GLI2: variants seen among roughly 807,000 people sequenced by gnomAD.
GLI2 encodes the protein transcription activator GLI2.
GLI2 carries 22 observed loss-of-function variants against 78.9 expected under a neutral mutation model. The observed-to-expected ratio is 0.28, with a 90% CI of 0.20 to 0.40. The LOEUF is 0.40. GLI2 is among the 10% of genes least tolerant of loss of function. GLI2 has a pLI of 1.00. For missense variants in GLI2, 2,097 were observed against 2,213.2 expected (o/e 0.95, Z 1.05); for synonymous variants, 974 against 963.7 (o/e 1.01, Z -0.20).
At chr2:120,830,916 C>T (rs1686327339) in intron 2 of GLI2, among the ~76,000 whole-genome samples, 1 of 151,804 alleles carries the variant, frequency 6.6e-6, no homozygotes, top group Non-Finnish European at 1.5e-5. Flanking sequence ...TCCTGGATCA[C>T]TCTGTGTCTC....
At chr2:120,754,996 C>T (rs999533837) in intron 1 of GLI2, among the ~76,000 whole-genome samples, 3 of 151,998 alleles carry the variant, frequency 2.0e-5, no homozygotes, top group African/African-American at 4.8e-5. Flanking sequence ...GGATTATAGA[C>T]GCCCACCACC....
chr2:120,750,528 A>C (rs1486557671), intron 1 of GLI2, among the ~76,000 whole-genome samples: 1 of 152,246 alleles, frequency 6.6e-6, no homozygotes. Context: ...TTAGAGGTAA[A>C]AGAGTTAGTA....
intron 2 of GLI2, among the ~76,000 whole-genome samples, chr2:120,863,492 G>A (rs550505757): frequency 2.6e-5 from 4 of 152,360 alleles, no homozygotes; most frequent in African/African-American, 9.6e-5. Context: ...AGAACACACA[G>A]TTCTTTATTC....
chr2:120,747,227 A>G (rs915244045), intron 1 of GLI2, among the ~76,000 whole-genome samples: 3 of 152,230 alleles, frequency 2.0e-5, no homozygotes, highest in African/African-American at 7.2e-5. Flanking sequence ...GGGAGGTGCT[A>G]GCTAGAGGTT....
Position 120,826,081 on chromosome 2 carries a change from G to GCCAGGCTCTGT in GLI2, c.148+28618_148+28628dup, listed in dbSNP as rs201439851. Among the ~76,000 whole-genome samples the GCCAGGCTCTGT allele has an allele frequency of 1.8e-3, 275 of 152,344 alleles. 1 individual carries two copies. The highest frequency in any genetic ancestry group is 6.0e-3 in the African/African-American group (250 of 41,580). On this transcript the variant is annotated intron_variant, in intron 2 of 13. Transcript: ENST00000361492. ...TGACAGAGCAGAGCGTTGGGCCGTG[G>GCCAGGCTCTGT]CCAGGCTCTGTCCAGAGACAGCTGC...
intron 2 of GLI2, among the ~76,000 whole-genome samples, chr2:120,835,159 G>C (rs895044708): frequency 2.0e-5 from 3 of 152,166 alleles, no homozygotes; most frequent in Non-Finnish European, 4.4e-5. Context: ...TATGGGTGGA[G>C]CCAATGGTCT....
At chr2:120,791,071 G>A (rs914153723) in intron 1 of GLI2, among the ~76,000 whole-genome samples, 5 of 152,162 alleles carry the variant, frequency 3.3e-5, no homozygotes, top group African/African-American at 9.7e-5. Context: ...CATGGCCACA[G>A]ACACACAGTG....
At position 120,797,419 on chromosome 2, in the gene GLI2, T is replaced by C. The variant is rs1170989683; in HGVS notation, c.99T>C (p.Ser33=). The C allele has an allele frequency of 1.2e-6, 2 of 1,614,008 alleles. No individual in the cohort carries two copies. The highest frequency in any genetic ancestry group is 8.5e-7 in the Non-Finnish European group (1 of 1,179,968). The stretch of plus-strand genomic sequence containing the variant: ...TCCCCGACCCGGGTAAAAAGGCCTC[T>C]CCTTTGGTGGTGGCTGCAGCGGCAG... The part of the protein sequence containing the change: ...AGFPDPGKKA[S]PLVVAAAAAA... The change falls in exon 2 of 14, where the codon TCT becomes TCC. Residue 33 remains serine (S), a synonymous_variant. Transcript: ENST00000361492.
intron 1 of GLI2, among the ~76,000 whole-genome samples, chr2:120,767,856 C>A (rs1683410333): frequency 6.6e-6 from 1 of 152,240 alleles, no homozygotes. Context: ...AGTACCACTT[C>A]AATTCCCATG....
chr2:120,877,577 A>G (rs1259180530), intron 2 of GLI2, among the ~76,000 whole-genome samples: 1 of 152,180 alleles, frequency 6.6e-6, no homozygotes, highest in African/African-American at 2.4e-5. Flanking sequence ...TTCTGAGAGC[A>G]TAGCTTGGTT....
intron 2 of GLI2, among the ~76,000 whole-genome samples, chr2:120,827,472 A>G (rs1002054419): frequency 1.3e-5 from 2 of 152,246 alleles, no homozygotes; most frequent in East Asian, 1.9e-4. Context: ...TTTGGAAGAC[A>G]GTATGGGAGT....
rs374225016 is a variant in GLI2 at position 120,989,080 on chromosome 2, C to G, written c.3115C>G (p.Pro1039Ala). The G allele has an allele frequency of 6.2e-7, 1 of 1,611,750 alleles. No homozygotes were observed. The highest frequency in any genetic ancestry group is 8.5e-7 in the Non-Finnish European group (1 of 1,179,816). The change falls in exon 14 of 14, where the codon CCG (proline) becomes GCG (alanine). Residue 1039 changes from proline (P) to alanine (A), a missense_variant. This residue lies in a region of GLI2 where 1,290 missense variants were observed against 1,261.7 expected (regional missense o/e 1.02). Coordinates refer to ENST00000361492, the MANE Select transcript of GLI2 (RefSeq NM_001374353.1). ...GGGGCCCGAGGCCGACCTGGGGCTG[C>G]CGGAGGACGACCTGGTGCTTCCAGA... is the stretch of plus-strand genomic sequence containing the variant. ...GAGPEADLGL[P>A]EDDLVLPDDV...
At chr2:120,920,552 A>G (rs1434532013) in intron 2 of GLI2, among the ~76,000 whole-genome samples, 2 of 152,184 alleles carry the variant, frequency 1.3e-5, no homozygotes, top group African/African-American at 4.8e-5. Flanking sequence ...TACACTGCCC[A>G]CACCAATGTC....
At chr2:120,833,688 C>A (rs1350798850) in intron 2 of GLI2, among the ~76,000 whole-genome samples, 2 of 152,154 alleles carry the variant, frequency 1.3e-5, no homozygotes, top group African/African-American at 4.8e-5. Context: ...AGGTCAGCTC[C>A]TGCCACGCTT....
chr2:120,904,918 G>A (rs1678446207), intron 2 of GLI2, among the ~76,000 whole-genome samples: 1 of 152,218 alleles, frequency 6.6e-6, no homozygotes, highest in African/African-American at 2.4e-5. Context: ...CTGGTGTGGG[G>A]CAGGGAGGCA....
chr2:120,835,830 A>G (rs561213924), intron 2 of GLI2, among the ~76,000 whole-genome samples: 6 of 152,210 alleles, frequency 3.9e-5, no homozygotes, highest in African/African-American at 1.2e-4. Context: ...GTATACATAT[A>G]TATTTAAATA....
At chr2:120,817,047 A>T (rs1223329267) in intron 2 of GLI2, among the ~76,000 whole-genome samples, 2 of 152,274 alleles carry the variant, frequency 1.3e-5, no homozygotes, top group Non-Finnish European at 2.9e-5. Context: ...CTTCCAAATT[A>T]GAAGTCCAGA....
chr2:120,865,261 A>G (rs1688073909), intron 2 of GLI2, among the ~76,000 whole-genome samples: 1 of 152,190 alleles, frequency 6.6e-6, no homozygotes, highest in African/African-American at 2.4e-5. Flanking sequence ...ACTGCATGCA[A>G]ACAGTAGCTG....
chr2:120,836,769 C>T (rs559435274), intron 2 of GLI2, among the ~76,000 whole-genome samples: 1 of 152,162 alleles, frequency 6.6e-6, no homozygotes, highest in Non-Finnish European at 1.5e-5. Flanking sequence ...TCACACTGCT[C>T]ATTTAGAAGC....
Sources: gnomAD v4.1 joint callset for allele counts (sites outside exome capture counted in the v4.1 genomes callset) on GRCh38, gnomAD v4.1.1 for gene constraint, gnomAD v4.1.1 regional missense constraint, MANE v1.5 for transcripts, NCBI Gene and HGNC (gene_info 2026-07-23, HGNC 2026-07-21) for gene names.